Variants in XPA observed in about 807,000 individuals in gnomAD.
The protein encoded by XPA is DNA repair protein complementing XP-A cells.
Under a neutral mutation model 35.7 loss-of-function variants are expected in XPA, and 27 were observed. The observed-to-expected ratio is 0.76, with a 90% CI of 0.56 to 1.04. The LOEUF (loss-of-function observed/expected upper bound fraction) is 1.04. Ranked by LOEUF, XPA falls within the 50% of genes least tolerant of loss-of-function variation. The pLI, the probability that XPA is intolerant of heterozygous loss-of-function variation, is 0.00. For synonymous variants in XPA, 133 were observed against 118.4 expected, an observed-to-expected ratio of 1.12 and a Z score of -0.80; for missense variants, 354 against 342.7, an observed-to-expected ratio of 1.03 and a Z score of -0.26.
At chr9:97,668,794 AAC>A in the XPA span, 1 of 1,583,682 alleles carries the variant, frequency 6.3e-7, no homozygotes, top group African/African-American at 1.4e-5. Context: ...GAGGAGATTT[AAC>A]ACACTGGAAT....
intron 5 of XPA, chr9:97,675,913 A>T (rs1828350344): frequency 3.2e-6 from 1 of 313,794 alleles, no homozygotes; most frequent in African/African-American, 2.1e-5. Context: ...ACATTCAGGT[A>T]CGTTTGACTT....
At chr9:97,664,561 C>T in the XPA span, 1 of 641,604 alleles carries the variant, frequency 1.6e-6, no homozygotes, top group African/African-American at 1.8e-5. Flanking sequence ...ACTAATGGTC[C>T]AATCTGGTAG....
the XPA span, chr9:97,669,700 C>T: frequency 6.3e-7 from 1 of 1,580,534 alleles, no homozygotes; most frequent in South Asian, 1.1e-5. Flanking sequence ...AGCAGATCTT[C>T]CTACAGGTAT....
chr9:97,676,926 A>C (rs1340536631), intron 5 of XPA, among the ~76,000 whole-genome samples: 1 of 152,186 alleles, frequency 6.6e-6, no homozygotes, highest in Non-Finnish European at 1.5e-5. Flanking sequence ...CTAGATATAG[A>C]TCTGGAATGC....
intron 2 of XPA, among the ~76,000 whole-genome samples, chr9:97,690,264 G>C (rs935218511): frequency 3.3e-5 from 5 of 152,196 alleles, no homozygotes; most frequent in Non-Finnish European, 7.3e-5. Flanking sequence ...AGGCTGGAGT[G>C]CAGTGGCACG....
the XPA span, among the ~76,000 whole-genome samples, chr9:97,655,537 A>G: frequency 3.9e-5 from 6 of 152,350 alleles, no homozygotes; most frequent in East Asian, 1.2e-3. Context: ...TTGACCTAAA[A>G]AGGATAAAGA....
chr9:97,683,204 G>C (rs985694624), intron 5 of XPA, among the ~76,000 whole-genome samples: 1 of 152,276 alleles, frequency 6.6e-6, no homozygotes, highest in Admixed American at 6.5e-5. Context: ...AAAAACCCTA[G>C]GCTAGTATAT....
the XPA span, among the ~76,000 whole-genome samples, chr9:97,660,786 A>AT: frequency 1.3e-5 from 2 of 152,246 alleles, no homozygotes; most frequent in South Asian, 4.1e-4. Context: ...AAGCTTTCAC[A>AT]TACGGTATTT....
chr9:97,655,741 G>A, the XPA span: 1 of 1,612,838 alleles, frequency 6.2e-7, no homozygotes, highest in Non-Finnish European at 8.5e-7. Flanking sequence ...GTAACTTCCA[G>A]TTCCGTTGGA....
chr9:97,660,852 A>G, the XPA span: 9 of 1,428,268 alleles, frequency 6.3e-6, no homozygotes, highest in Non-Finnish European at 6.5e-6. Context: ...GAAAGGAAGA[A>G]TTTAAAAAAA....
intron 5 of XPA, among the ~76,000 whole-genome samples, chr9:97,678,728 G>T (rs551704417): frequency 1.3e-4 from 20 of 152,200 alleles, no homozygotes; most frequent in Admixed American, 5.2e-4. Context: ...ATTTCTTTTT[G>T]CTTATCAAAT....
the XPA span, among the ~76,000 whole-genome samples, chr9:97,658,165 A>G: frequency 6.9e-6 from 1 of 145,230 alleles, no homozygotes; most frequent in African/African-American, 2.9e-5. Context: ...CTTGGTGGAC[A>G]CACATCCATC....
chr9:97,677,688 T>G (rs1410052045), intron 5 of XPA, among the ~76,000 whole-genome samples: 1 of 151,934 alleles, frequency 6.6e-6, no homozygotes, highest in East Asian at 1.9e-4. Context: ...AGAGCAAGAC[T>G]GTCTCAAAGA....
the XPA span, among the ~76,000 whole-genome samples, chr9:97,668,175 G>A: frequency 6.6e-6 from 1 of 152,182 alleles, no homozygotes; most frequent in Non-Finnish European, 1.5e-5. Context: ...TTAGAGCCAC[G>A]TTCTGGCTCT....
intron 2 of XPA, among the ~76,000 whole-genome samples, chr9:97,691,323 G>T (rs1327711362): frequency 2.0e-5 from 3 of 152,162 alleles, no homozygotes; most frequent in Non-Finnish European, 4.4e-5. Flanking sequence ...CTCTAGGTAA[G>T]GTAAAGCTAG....
intron 5 of XPA, among the ~76,000 whole-genome samples, chr9:97,680,013 CAAA>C (rs1828487662): frequency 1.3e-5 from 2 of 151,970 alleles, no homozygotes; most frequent in Non-Finnish European, 2.9e-5. Context: ...TCGTGAAAGA[CAAA>C]AAAGGCTGAG....
chr9:97,682,189 T>C (rs1175548697), intron 5 of XPA: 1 of 451,942 alleles, frequency 2.2e-6, no homozygotes, highest in South Asian at 1.6e-5. Flanking sequence ...CAGGTAAATA[T>C]AATCTCTTAC....
At chr9:97,694,299 C>T (rs916011675) in intron 1 of XPA, among the ~76,000 whole-genome samples, 3 of 152,164 alleles carry the variant, frequency 2.0e-5, no homozygotes, top group African/African-American at 7.2e-5. Flanking sequence ...ATATTTTGGG[C>T]CATGGTTGAT....
the XPA span, among the ~76,000 whole-genome samples, chr9:97,665,726 A>G: frequency 7.0e-4 from 107 of 152,320 alleles, no homozygotes; most frequent in African/African-American, 2.3e-3. Context: ...TTGAACAACA[A>G]CAGGGGTTAG....
Sources: allele counts gnomAD v4.1 joint callset (sites outside exome capture counted in the v4.1 genomes callset), GRCh38; gene constraint gnomAD v4.1.1; transcripts MANE v1.5; gene names NCBI Gene and HGNC (gene_info 2026-07-23, HGNC 2026-07-21).